Variants in FHOD1 observed in about 807,000 individuals in gnomAD.
FHOD1 encodes FH1/FH2 domain-containing protein 1.
FHOD1 carries 89 observed loss-of-function variants against 111.6 expected under a neutral mutation model. That is an observed-to-expected ratio of 0.80 (90% confidence interval 0.67 to 0.95). The LOEUF is 0.95. FHOD1 is among the 40% of genes least tolerant of loss of function. FHOD1 has a pLI of 0.00. For missense variants in FHOD1, 1,446 were observed against 1,554.2 expected (o/e 0.93, Z 1.17); for synonymous variants, 618 against 639.0 (o/e 0.97, Z 0.50).
At chr16:67,241,713 A>G (rs1401274765) in intron 1 of FHOD1, among the ~76,000 whole-genome samples, 2 of 152,222 alleles carry the variant, frequency 1.3e-5, no homozygotes, top group African/African-American at 4.8e-5. Flanking sequence ...CAGTGCTAAG[A>G]AAGGGGAGGG....
In FHOD1 at chr16:67,238,365, A is replaced by C; in HGVS notation, c.441+15T>G. 1 of 1,614,116 alleles carries C rather than the reference A, an allele frequency of 6.2e-7. No individual in the cohort carries two copies. On this transcript the variant is annotated intron_variant, in intron 4 of 21. Transcript: ENST00000258201. This position sits in a 1 kb window ranked among gnomAD's most constrained non-coding sequence, Gnocchi z 4.2. ...TGGGCTACACACTTACCCCCAGCCC[A>C]CTGCGGGGCCTCACCTGGAAGATCT... is the stretch of plus-strand genomic sequence containing the variant.
chr16:67,232,223 G>C (rs939827810), intron 13 of FHOD1, 29 bp from the exon 14 acceptor site: 2 of 1,612,396 alleles, frequency 1.2e-6, no homozygotes, highest in Non-Finnish European at 1.7e-6. Flanking sequence ...GGCAGTGTAA[G>C]ACTGAGGAAG....
intron 11 of FHOD1, 150 bp from the exon 12 acceptor site, chr16:67,234,622 C>A (rs932676102): frequency 3.2e-6 from 2 of 621,306 alleles, no homozygotes; most frequent in Admixed American, 5.1e-5. Flanking sequence ...GAACCACACC[C>A]CCCCCAAGGC....
intron 11 of FHOD1, 29 bp from the exon 12 acceptor site, chr16:67,234,501 G>A (rs747016884): frequency 3.3e-5 from 51 of 1,540,668 alleles, no homozygotes; most frequent in South Asian, 1.2e-4. Context: ...CACTGACAGC[G>A]TCTGACACAC....
In FHOD1 at chr16:67,229,792, C is replaced by A. The variant is rs2034175587; in HGVS notation, c.3412+1G>T. 4 of 1,614,228 alleles carry A rather than the reference C, an allele frequency of 2.5e-6. No individual in the cohort carries two copies. The highest frequency in any genetic ancestry group is 1.1e-5 in the South Asian group (1 of 91,086). Reference sequence around the variant, plus strand: ...CAGTGGGATTGTGGGGGGTTACTTACAAGACTTGCGGTTGCCGCGGGAACG... The same window carrying A: ...CAGTGGGATTGTGGGGGGTTACTTAAAAGACTTGCGGTTGCCGCGGGAACG... On this transcript the variant is annotated splice_donor_variant, in intron 21 of 21. Transcript: ENST00000258201. LOFTEE classifies it high-confidence loss of function.
chr16:67,233,768 G>A lies in FHOD1; in HGVS notation c.1935C>T (p.Ser645=). The change falls in exon 13 of 22, where the codon AGC becomes AGT. Residue 645 remains serine (S), a synonymous_variant. Transcript: ENST00000258201. ...AGAGGGTGGCGCAGGGCCCAAAGCG[G>A]CTTGCAGAGACTCCATGGCCCCCAG... The part of the protein sequence containing the change: ...KLAGGHGVSA[S]RFGPCATLWA... 6 of 1,613,952 alleles carry A rather than the reference G, an allele frequency of 3.7e-6. No homozygotes were observed. Among genetic ancestry groups the A allele is most frequent in the Non-Finnish European group, 5.1e-6 (6 of 1,180,022 alleles).
Position 67,239,297 on chromosome 16 carries a change from C to T in FHOD1, c.308+51G>A, listed in dbSNP as rs1415839729. ...CTCAGCTGCTGACATTTGAGCTAGC[C>T]CCTGGCAAGGGTGGGGGTAACCTTG... On this transcript the variant is annotated intron_variant, in intron 2 of 21. Transcript: ENST00000258201. The T allele has an allele frequency of 4.3e-6, 6 of 1,411,490 alleles. No homozygotes were observed. The East Asian group carries it at 1.1e-4, about 27-fold the overall frequency. 87.4% of individuals were successfully genotyped at this position (1,411,490 alleles called of 1,614,324 possible).
rs1325297530 is a variant in FHOD1, at chr16:67,234,009, G to A, written c.1694C>T (p.Ala565Val). 3 of 1,613,426 alleles carry A rather than the reference G, an allele frequency of 1.9e-6. No individual in the cohort carries two copies. The highest frequency in any genetic ancestry group is 2.2e-5 in the East Asian group (1 of 44,868). The change falls in exon 13 of 22, where the codon GCT (alanine) becomes GTT (valine). Residue 565 changes from alanine (A) to valine (V), a missense_variant. Coordinates refer to ENST00000258201, the MANE Select transcript of FHOD1 (RefSeq NM_013241.3). ...QDMLNVESVE[A>V]GKDIPAPSPP... The stretch of plus-strand genomic sequence containing the variant: ...TGAGGGAGCTGGGATGTCTTTCCCA[G>A]CCTCCACAGACTCTACATTCAGCAT...
chr16:67,236,977 G>C lies in FHOD1; in HGVS notation c.1131C>G (p.Ala377=). ...ATGCTCGTACTTACCCAGGTTCCGG[G>C]GCACGCGCGGGGCAGCCCCCGCCTT... The part of the protein sequence containing the change: ...SLEGGGCPAR[A]PEPGPTGPAS... Residue 377 remains alanine, a synonymous_variant, in exon 10 of 22, where the codon GCC becomes GCG. Coordinates refer to ENST00000258201, the MANE Select transcript of FHOD1 (RefSeq NM_013241.3). 6.3e-7 allele frequency: 1 copy of C among 1,591,948 alleles called. No homozygotes were observed.
chr16:67,233,661 GA>G lies in FHOD1; in HGVS notation c.2041del (p.Ser681ProfsTer11), dbSNP rs1219272520. The G allele has an allele frequency of 6.3e-7, 1 of 1,592,084 alleles. No homozygotes were observed. The highest frequency in any genetic ancestry group is 8.6e-7 in the Non-Finnish European group (1 of 1,164,036). ...FESRAKEVLPSKKAGEGRRTM... is the reference protein window; with the variant it reads ...FESRAKEVLPXKKAGEGRRTM... ...CTTGCAGATGAGTGGATTTACCTTG[GA>G]GGGCAGCACCTCTTTGGCACGAGAC... On this transcript the variant is annotated frameshift_variant, in exon 13 of 22. Coordinates refer to ENST00000258201, the MANE Select transcript of FHOD1 (RefSeq NM_013241.3). LOFTEE classifies it high-confidence loss of function.
intron 1 of FHOD1, among the ~76,000 whole-genome samples, chr16:67,246,285 T>C (rs2034826003): frequency 6.6e-6 from 1 of 152,174 alleles, no homozygotes; most frequent in African/African-American, 2.4e-5. Flanking sequence ...CTCTCTCCTC[T>C]TCTCCAGCAC....
At chr16:67,236,395 G>A (rs1295673178) in intron 11 of FHOD1, 162 bp downstream of exon 11, 7 of 1,458,026 alleles carry the variant, frequency 4.8e-6, no homozygotes, top group African/African-American at 1.4e-5. Flanking sequence ...AACCCCACCC[G>A]CTGGCAGTCA....
In FHOD1 at chr16:67,229,586, C is replaced by T; in HGVS notation, c.*50G>A. Reference sequence around the variant, plus strand: ...CTCTGGGCCCTCCTCACTCTGTCATCTCCTGCACTGCAGTCCAGGGTCCAG... The same window carrying T: ...CTCTGGGCCCTCCTCACTCTGTCATTTCCTGCACTGCAGTCCAGGGTCCAG... On this transcript the variant is annotated 3_prime_UTR_variant, in exon 22 of 22. Coordinates refer to ENST00000258201, the MANE Select transcript of FHOD1 (RefSeq NM_013241.3). The T allele has an allele frequency of 4.6e-6, 7 of 1,513,506 alleles. No homozygotes were observed. Among genetic ancestry groups the T allele is most frequent in the Non-Finnish European group, 6.4e-6 (7 of 1,088,084 alleles). The allele number at this position is 1,513,506 out of a possible 1,614,324, so 93.8% of individuals were successfully genotyped here. A position where few individuals can be genotyped will look rare whatever the true frequency, so the allele number is the denominator to read the frequency against.
intron 10 of FHOD1, 45 bp downstream of exon 10, chr16:67,236,921 G>A: frequency 6.5e-7 from 1 of 1,535,978 alleles, no homozygotes; most frequent in Non-Finnish European, 8.7e-7. Flanking sequence ...ACTGGGCCAT[G>A]CCTAGTAGAT....
intron 18 of FHOD1, 28 bp downstream of exon 18, chr16:67,230,573 C>T (rs767884897): frequency 6.2e-7 from 1 of 1,613,588 alleles, no homozygotes; most frequent in Middle Eastern, 1.7e-4. Flanking sequence ...TGGTGGCCGT[C>T]CTGCCTCTCT....
chr16:67,236,594 G>A lies in FHOD1; in HGVS notation c.1282C>T (p.Pro428Ser). 1.2e-6 allele frequency: 2 copies of A among 1,613,764 alleles called. No individual in the cohort carries two copies. Among genetic ancestry groups the A allele is most frequent in the Middle Eastern group, 1.7e-4 (1 of 6,060 alleles). Residue 428 changes from proline to serine, a missense_variant, in exon 11 of 22, where the codon CCC becomes TCC. Around this residue, in one of 3 missense-constraint regions of FHOD1, gnomAD observed 1,085 missense variants for 1,108.8 expected, o/e 0.98. Coordinates refer to ENST00000258201, the MANE Select transcript of FHOD1 (RefSeq NM_013241.3). Reference protein sequence around the residue: ...VNLFPTISVAPSADTSSERSI... With the variant: ...VNLFPTISVASSADTSSERSI... The stretch of plus-strand genomic sequence containing the variant: ...CTCTCGCTGGAGGTGTCAGCTGAGG[G>A]TGCCACAGAGATGGTAGGAAAAAGG...
chr16:67,239,379 C>G lies in FHOD1; in HGVS notation c.277G>C (p.Glu93Gln). ...DTELSLEEQREMLEGFYEEIS... is the reference protein window; with the variant it reads ...DTELSLEEQRQMLEGFYEEIS... ...TCTTCATAGAAGCCCTCCAGCATCT[C>G]CCGCTGCTCTTCCAGGGACAGCTCG... Residue 93 changes from glutamate (E) to glutamine (Q), a missense_variant, in exon 2 of 22, where the codon GAG becomes CAG. Glu to Gln is a conservative substitution (Grantham distance 29). Around this residue, in one of 3 missense-constraint regions of FHOD1, gnomAD observed 234 missense variants for 327.4 expected, o/e 0.71. Transcript: ENST00000258201. 1 of 1,614,150 alleles carries G rather than the reference C, an allele frequency of 6.2e-7. No homozygotes were observed. The highest frequency in any genetic ancestry group is 1.6e-4 in the Middle Eastern group (1 of 6,062).
rs1316789934 is a variant in FHOD1 at position 67,231,999 on chromosome 16, G to T, written c.2202+40C>A. On this transcript the variant is annotated intron_variant, in intron 14 of 21. Transcript: ENST00000258201. This position sits in a 1 kb window ranked among gnomAD's most constrained non-coding sequence, Gnocchi z 4.3. ...AAATGCCCACCTACCAAAGGAGAAG[G>T]CCAGACCTCCCCCCAACACCCATAG... 2 of 1,609,946 alleles carry T rather than the reference G, an allele frequency of 1.2e-6. No individual in the cohort carries two copies. Among genetic ancestry groups the T allele is most frequent in the South Asian group, 2.2e-5 (2 of 90,668 alleles).
At position 67,247,198 on chromosome 16, in the gene FHOD1, G is replaced by T. The variant is rs1020501393; in HGVS notation, c.201+12C>A. Reference sequence around the variant, plus strand: ...CCCCCGATCGCCCCAACCTTTCTCCGGCCTCCCTCACCTTGAGCGGCGCTC... The same window carrying T: ...CCCCCGATCGCCCCAACCTTTCTCCTGCCTCCCTCACCTTGAGCGGCGCTC... On this transcript the variant is annotated intron_variant, in intron 1 of 21. Transcript: ENST00000258201. The T allele has an allele frequency of 6.5e-7, 1 of 1,536,450 alleles. No homozygotes were observed.
Sources: gnomAD v4.1 joint callset for allele counts (sites outside exome capture counted in the v4.1 genomes callset) on GRCh38, gnomAD v4.1.1 for gene constraint, gnomAD v4.1.1 regional missense constraint, Gnocchi (gnomAD v3.1) non-coding constraint, MANE v1.5 for transcripts, NCBI Gene and HGNC (gene_info 2026-07-23, HGNC 2026-07-21) for gene names.